The following AP2A2 variants were observed in gnomAD, a reference collection of about 807,000 sequenced individuals.
AP2A2 encodes AP-2 complex subunit alpha-2.
In AP2A2, 32 loss-of-function variants were observed where a neutral mutation model predicts 104.2. The observed-to-expected ratio is 0.31, with a 90% CI of 0.23 to 0.41. AP2A2 has a LOEUF of 0.41. Ranked by LOEUF, AP2A2 falls within the 10% of genes least tolerant of loss-of-function variation. AP2A2 has a pLI of 1.00. For missense variants in AP2A2, 912 were observed against 1,261.0 expected, an observed-to-expected ratio of 0.72 and a Z score of 4.19; for synonymous variants, 539 against 533.3, an observed-to-expected ratio of 1.01 and a Z score of -0.15.
chr11:932,839 A>G (rs989894531), intron 1 of AP2A2: 2 of 436,672 alleles, frequency 4.6e-6, no homozygotes, highest in Non-Finnish European at 9.1e-6. Context: ...ATTTTGTGCC[A>G]GATACTTACT....
At chr11:1,010,160 T>G in intron 21 of AP2A2, 1 of 464,262 alleles carries the variant, frequency 2.2e-6, no homozygotes, top group Non-Finnish European at 3.9e-6. Flanking sequence ...CTCCCAGCTG[T>G]TCCTCTCTGT....
intron 1 of AP2A2, among the ~76,000 whole-genome samples, chr11:940,091 A>G (rs1271640261): frequency 1.3e-5 from 2 of 151,692 alleles, no homozygotes; most frequent in Non-Finnish European, 2.9e-5. Flanking sequence ...AGTAGCTGGA[A>G]CTACAGGTGT....
chr11:1,001,308 T>C (rs569287229), intron 15 of AP2A2: 1 of 152,344 alleles, frequency 6.6e-6, no homozygotes. Context: ...GCATTCCGCT[T>C]ACTGGCTGCT....
chr11:959,254 C>T (rs946666715), intron 1 of AP2A2, among the ~76,000 whole-genome samples, 183 bp from the exon 2 acceptor site: 5 of 152,358 alleles, frequency 3.3e-5, no homozygotes, highest in Admixed American at 1.3e-4. Flanking sequence ...GTCCCGGCCC[C>T]GGCCCTGCTG....
intron 1 of AP2A2, among the ~76,000 whole-genome samples, chr11:927,379 A>G (rs914356779): frequency 6.6e-6 from 1 of 151,922 alleles, no homozygotes; most frequent in Non-Finnish European, 1.5e-5. Flanking sequence ...TTTAATGTGT[A>G]TTTTGAGGGA....
intron 17 of AP2A2, 84 bp downstream of exon 17, chr11:1,006,701 C>T: frequency 9.4e-7 from 1 of 1,068,256 alleles, no homozygotes; most frequent in African/African-American, 1.6e-5. Context: ...TTTTGGTTTT[C>T]TTATTTTGTT....
intron 1 of AP2A2, among the ~76,000 whole-genome samples, chr11:951,731 A>G (rs959228560): frequency 6.6e-6 from 1 of 152,224 alleles, no homozygotes; most frequent in African/African-American, 2.4e-5. Context: ...ATGGAGTGAC[A>G]TTCCAGTCCA....
chr11:927,702 C>G (rs533126371), intron 1 of AP2A2, among the ~76,000 whole-genome samples: 11 of 150,888 alleles, frequency 7.3e-5, no homozygotes, highest in African/African-American at 2.7e-4. Context: ...ATCTATAGTC[C>G]CAGCTACTTG....
chr11:927,160 G>A lies in AP2A2; in HGVS notation c.67+1072G>A, dbSNP rs567538598. ...CGGCGCACTCAACCTCCCACCTCAA[G>A]TGATCCTACCACCTCAGCCTCCGGA... On this transcript the variant is annotated intron_variant, in intron 1 of 21. Coordinates refer to ENST00000448903, the MANE Select transcript of AP2A2 (RefSeq NM_012305.4). Among the ~76,000 whole-genome samples, 399 of 152,218 alleles carry A rather than the reference G, an allele frequency of 2.6e-3. 1 individual carries two copies. The highest frequency in any genetic ancestry group is 0.02 in the Middle Eastern group (6 of 294).
At chr11:1,000,387 G>T in intron 14 of AP2A2, 45 bp from the exon 15 acceptor site, 1 of 1,538,556 alleles carries the variant, frequency 6.5e-7, no homozygotes. Flanking sequence ...GGGTTGGCCA[G>T]GCCAGGGAGG....
chr11:983,172 C>T (rs1333067061), intron 6 of AP2A2, among the ~76,000 whole-genome samples: 1 of 151,344 alleles, frequency 6.6e-6, no homozygotes, highest in African/African-American at 2.4e-5. Context: ...CCGTCGCCAC[C>T]ACGCCCAGTT....
At chr11:985,171 C>T (rs1382509768) in intron 7 of AP2A2, among the ~76,000 whole-genome samples, 4 of 152,110 alleles carry the variant, frequency 2.6e-5, no homozygotes, top group East Asian at 1.9e-4. Flanking sequence ...TTTGTAGAGA[C>T]GGGGTTTCAC....
Position 993,995 on chromosome 11 carries a change from C to T in AP2A2, c.1782+10C>T, listed in dbSNP as rs748397499. The stretch of plus-strand genomic sequence containing the variant: ...CAGCACCGACATTCTGGTAGGAGGC[C>T]CCCGCCCTTCGGGCTGGCTTGGCTG... On this transcript the variant is annotated intron_variant, in intron 13 of 21. Coordinates refer to ENST00000448903, the MANE Select transcript of AP2A2 (RefSeq NM_012305.4). The surrounding 1 kb of genome is among the most constrained non-coding windows in gnomAD (Gnocchi z 8.2). The T allele has an allele frequency of 1.9e-6, 3 of 1,609,272 alleles. No homozygotes were observed. The highest frequency in any genetic ancestry group is 1.3e-5 in the African/African-American group (1 of 74,852).
chr11:926,130 G>A (rs763915366), intron 1 of AP2A2, 42 bp downstream of exon 1: 83 of 1,218,802 alleles, frequency 6.8e-5, no homozygotes, highest in Non-Finnish European at 8.2e-5. Context: ...CGGGGCCGCC[G>A]GCGGAGACGG....
At chr11:948,175 G>A (rs918476997) in intron 1 of AP2A2, among the ~76,000 whole-genome samples, 5 of 152,110 alleles carry the variant, frequency 3.3e-5, no homozygotes, top group Admixed American at 6.6e-5. Flanking sequence ...GCAAAGATTG[G>A]TTATTTGAAA....
At chr11:1,010,504 T>G (rs1302183864) in intron 21 of AP2A2, 44 bp from the exon 22 acceptor site, 4 of 1,504,758 alleles carry the variant, frequency 2.7e-6, no homozygotes, top group Admixed American at 1.9e-5. Context: ...GAGGGCTGTG[T>G]GAGCCTCGGC....
chr11:1,001,959 G>C (rs748480078), intron 15 of AP2A2, among the ~76,000 whole-genome samples: 1 of 152,224 alleles, frequency 6.6e-6, no homozygotes, highest in Non-Finnish European at 1.5e-5. Flanking sequence ...GTGTAGGATG[G>C]AGGCACAGAG....
Position 942,687 on chromosome 11 carries a change from T to C in AP2A2, c.67+16599T>C, listed in dbSNP as rs190816493. Among the ~76,000 whole-genome samples the C allele has an allele frequency of 1.7e-3, 263 of 152,332 alleles. 4 individuals are homozygous for C. Among genetic ancestry groups the C allele is most frequent in the African/African-American group, 6.1e-3 (255 of 41,566 alleles). ...ATGACTTTAAAAAATAATTTCAGCC[T>C]TTATTTTAGATTCTGGGGGTAAATG... On this transcript the variant is annotated intron_variant, in intron 1 of 21. Transcript: ENST00000448903.
intron 1 of AP2A2, among the ~76,000 whole-genome samples, chr11:957,755 C>T (rs528198147): frequency 2.0e-5 from 3 of 152,268 alleles, no homozygotes; most frequent in Middle Eastern, 3.2e-3. Flanking sequence ...GACCTGCTCC[C>T]TGTATCGTAA....
Sources: gnomAD v4.1 joint callset for allele counts (sites outside exome capture counted in the v4.1 genomes callset) on GRCh38, gnomAD v4.1.1 for gene constraint, Gnocchi (gnomAD v3.1) non-coding constraint, MANE v1.5 for transcripts, NCBI Gene and HGNC (gene_info 2026-07-23, HGNC 2026-07-21) for gene names.